The following BAIAP2L1 variants were observed in gnomAD, a reference collection of about 807,000 sequenced individuals.
BAIAP2L1 encodes the protein BAR/IMD domain-containing adapter protein 2-like 1.
In BAIAP2L1, 35 loss-of-function variants were observed where a neutral mutation model predicts 66.3. The ratio of observed to expected loss-of-function variants is 0.53; its 90% CI spans 0.40 to 0.70. The LOEUF is 0.70. Among genes scored for constraint, BAIAP2L1 ranks in the 30% least tolerant of loss-of-function variants. The pLI is 0.00. For missense variants in BAIAP2L1, 622 were observed against 656.9 expected (o/e 0.95, Z 0.58); for synonymous variants, 269 against 248.7 (o/e 1.08, Z -0.77).
intron 1 of BAIAP2L1, among the ~76,000 whole-genome samples, chr7:98,384,649 A>G (rs1189910202): frequency 1.3e-5 from 2 of 150,094 alleles, no homozygotes; most frequent in African/African-American, 4.9e-5. Flanking sequence ...GAATCATTCT[A>G]GCTAACTTCC....
chr7:98,334,333 C>T (rs1801565296), intron 3 of BAIAP2L1, among the ~76,000 whole-genome samples: 1 of 152,152 alleles, frequency 6.6e-6, no homozygotes. Context: ...AGTCCAGCTT[C>T]ATTGTAAAGA....
chr7:98,295,127 G>C (rs1405064967), intron 12 of BAIAP2L1, among the ~76,000 whole-genome samples: 1 of 152,222 alleles, frequency 6.6e-6, no homozygotes, highest in African/African-American at 2.4e-5. Flanking sequence ...GATTGACTTA[G>C]GGGAGGCCCT....
At chr7:98,400,480 G>A (rs867327748) in intron 1 of BAIAP2L1, 28 of 390,614 alleles carry the variant, frequency 7.2e-5, no homozygotes, top group Middle Eastern at 7.0e-4. Context: ...AGGAGGGAGA[G>A]TGAACGGGGA....
chr7:98,323,270 A>G (rs1280241271), intron 3 of BAIAP2L1: 1 of 152,180 alleles, frequency 6.6e-6, no homozygotes, highest in Admixed American at 6.6e-5. Flanking sequence ...ATACAAACTC[A>G]GTTACTTTCA....
intron 2 of BAIAP2L1, chr7:98,355,416 T>G (rs1802096243): frequency 2.3e-6 from 1 of 436,116 alleles, no homozygotes; most frequent in East Asian, 4.1e-5. Flanking sequence ...GATGCCAGTT[T>G]CAGAGTGGAT....
At chr7:98,386,867 T>C (rs1248362616) in intron 1 of BAIAP2L1, among the ~76,000 whole-genome samples, 2 of 151,724 alleles carry the variant, frequency 1.3e-5, no homozygotes, top group South Asian at 2.1e-4. Context: ...ACCCAACTAA[T>C]TTTTTGTATT....
chr7:98,372,314 G>A (rs778558851), intron 1 of BAIAP2L1, among the ~76,000 whole-genome samples: 4 of 152,078 alleles, frequency 2.6e-5, no homozygotes, highest in Non-Finnish European at 4.4e-5. Context: ...GCTGAGGCAG[G>A]AGAATTGCTT....
intron 3 of BAIAP2L1, among the ~76,000 whole-genome samples, chr7:98,325,826 A>C (rs1801369637): frequency 6.6e-6 from 1 of 152,272 alleles, no homozygotes; most frequent in Non-Finnish European, 1.5e-5. Flanking sequence ...GGGATGCATT[A>C]AACGAGCGTG....
rs564375978 is a variant in BAIAP2L1 at position 98,373,274 on chromosome 7, G to A, written c.52-10842C>T. ...GCACAAGCCAAGTACAGAAAAATTA[G>A]ACAACTGAGATGTTTCCTTTGAGGT... On this transcript the variant is annotated intron_variant, in intron 1 of 13. Transcript: ENST00000005260. 1.1e-4 allele frequency among the ~76,000 whole-genome samples: 17 copies of A among 152,276 alleles called. No homozygotes were observed. In the South Asian group the frequency reaches 3.5e-3, roughly 32 times the overall value.
chr7:98,317,735 T>C (rs1241944237), intron 5 of BAIAP2L1, among the ~76,000 whole-genome samples: 10 of 127,006 alleles, frequency 7.9e-5, no homozygotes, highest in African/African-American at 9.1e-5. Context: ...CATCTGCATG[T>C]TGGCTGGGGA....
chr7:98,306,712 AT>A (rs928406733), intron 10 of BAIAP2L1, 196 bp from the exon 11 acceptor site: 770 of 783,302 alleles, frequency 9.8e-4, no homozygotes, highest in East Asian at 1.4e-3. Context: ...ATTGTTAACA[AT>A]TTTTTTTTAA....
At chr7:98,382,475 G>C (rs954529556) in intron 1 of BAIAP2L1, among the ~76,000 whole-genome samples, 26 of 151,966 alleles carry the variant, frequency 1.7e-4, no homozygotes, top group African/African-American at 5.8e-4. Flanking sequence ...GGGAGACTGT[G>C]TCTCTACAAA....
rs1803361116 is a variant in BAIAP2L1, at chr7:98,401,068, G to A, written c.-216C>T. 5.8e-6 allele frequency: 2 copies of A among 346,484 alleles called. No homozygotes were observed. Among genetic ancestry groups the A allele is most frequent in the Non-Finnish European group, 1.0e-5 (2 of 198,030 alleles). 21.5% of individuals were successfully genotyped at this position (346,484 alleles called of 1,614,324 possible). On this transcript the variant is annotated 5_prime_UTR_variant, in exon 1 of 14. Coordinates refer to ENST00000005260, the MANE Select transcript of BAIAP2L1 (RefSeq NM_018842.5). ...CTGGCCTTCTTCGAGGAGCAGAGGA[G>A]AAGCGGCCGGACGCCGCCAGAGGAA...
chr7:98,335,605 CTCAT>C (rs1304748644), intron 3 of BAIAP2L1, among the ~76,000 whole-genome samples: 1 of 152,216 alleles, frequency 6.6e-6, no homozygotes, highest in African/African-American at 2.4e-5. Flanking sequence ...ATCTGATACA[CTCAT>C]TCAGTCAATC....
intron 1 of BAIAP2L1, among the ~76,000 whole-genome samples, chr7:98,399,002 A>C (rs1803286205): frequency 6.6e-6 from 1 of 152,190 alleles, no homozygotes; most frequent in African/African-American, 2.4e-5. Flanking sequence ...CTTCACTGAC[A>C]GTCAACAGAG....
In BAIAP2L1 at chr7:98,292,844, ACTC is replaced by A; in HGVS notation, c.*674_*676del. ...GCCGTGTGCAGCGAATCCGTTGGCGACTCCTAACTACCAAGAAAAGGAGCTCTC... is the reference window on the plus strand; with the variant it reads ...GCCGTGTGCAGCGAATCCGTTGGCGACTAACTACCAAGAAAAGGAGCTCTC... On this transcript the variant is annotated 3_prime_UTR_variant, in exon 14 of 14. Transcript: ENST00000005260. 1 of 1,443,970 alleles carries A rather than the reference ACTC, an allele frequency of 6.9e-7. No individual in the cohort carries two copies. Among genetic ancestry groups the A allele is most frequent in the South Asian group, 1.5e-5 (1 of 65,988 alleles). The allele number at this position is 1,443,970 out of a possible 1,614,324, so 89.4% of individuals were successfully genotyped here. A position where few individuals can be genotyped will look rare whatever the true frequency, so the allele number is the denominator to read the frequency against.
At chr7:98,374,372 G>A (rs1399595423) in intron 1 of BAIAP2L1, among the ~76,000 whole-genome samples, 12 of 152,186 alleles carry the variant, frequency 7.9e-5, no homozygotes, top group East Asian at 3.9e-4. Flanking sequence ...TCCTAACATC[G>A]TGGCTGTTAT....
intron 1 of BAIAP2L1, among the ~76,000 whole-genome samples, chr7:98,370,456 T>C (rs1802485524): frequency 6.6e-6 from 1 of 151,914 alleles, no homozygotes; most frequent in African/African-American, 2.4e-5. Flanking sequence ...ACATATATAC[T>C]TCTTTATTAC....
At chr7:98,296,563 G>A (rs1488496897) in intron 12 of BAIAP2L1, among the ~76,000 whole-genome samples, 1 of 152,240 alleles carries the variant, frequency 6.6e-6, no homozygotes, top group Non-Finnish European at 1.5e-5. Context: ...GGCAGAGGTT[G>A]TGGTGAGCTG....
Sources: allele counts gnomAD v4.1 joint callset (sites outside exome capture counted in the v4.1 genomes callset), GRCh38; gene constraint gnomAD v4.1.1; transcripts MANE v1.5; gene names NCBI Gene and HGNC (gene_info 2026-07-23, HGNC 2026-07-21).